AGPAT3: variants seen among roughly 807,000 people sequenced by gnomAD.
AGPAT3 encodes the protein 1-acyl-sn-glycerol-3-phosphate acyltransferase gamma.
In AGPAT3, 5 loss-of-function variants were observed where a neutral mutation model predicts 47.3. The ratio of observed to expected loss-of-function variants is 0.11; its 90% CI spans 0.06 to 0.22. The LOEUF is 0.22. Among genes scored for constraint, AGPAT3 ranks in the 10% least tolerant of loss-of-function variants. The probability of loss-of-function intolerance (pLI) is 1.00; values close to 1 mark genes in which losing one functional copy is unlikely to be tolerated. For missense variants in AGPAT3, 315 were observed against 493.0 expected, an observed-to-expected ratio of 0.64 and a Z score of 3.42; for synonymous variants, 212 against 208.3, an observed-to-expected ratio of 1.02 and a Z score of -0.15.
intron 2 of AGPAT3, among the ~76,000 whole-genome samples, chr21:43,918,203 G>GGTTGTGGGTGTTGCGGCAGTTGTGGGT (rs1569063649): frequency 7.2e-6 from 1 of 139,762 alleles, no homozygotes; most frequent in Non-Finnish European, 1.6e-5. Flanking sequence ...GGGTTGTGGA[G>GGTTGTGGGTGTTGCGGCAGTTGTGGGT]GTTGTGGGTG....
At chr21:43,907,283 G>A (rs1906328805) in intron 2 of AGPAT3, among the ~76,000 whole-genome samples, 1 of 152,076 alleles carries the variant, frequency 6.6e-6, no homozygotes, top group Non-Finnish European at 1.5e-5. Context: ...GCCGGCCTCG[G>A]CCTCCCAAAG....
chr21:43,971,291 G>T lies in AGPAT3; in HGVS notation c.665-97G>T. 1.9e-6 allele frequency: 2 copies of T among 1,048,208 alleles called. 1 individual carries two copies. The highest frequency in any genetic ancestry group is 4.1e-4 in the Middle Eastern group (2 of 4,830). 64.9% of individuals were successfully genotyped at this position (1,048,208 alleles called of 1,614,324 possible). ...CAGACCCCTCACGCGTTCTCCCCAG[G>T]ACGGGGCCGGGTCCCAGGTGGAACT... On this transcript the variant is annotated intron_variant, in intron 6 of 9. Transcript: ENST00000291572.
chr21:43,890,469 G>A (rs1341959519), intron 1 of AGPAT3, among the ~76,000 whole-genome samples: 5 of 152,026 alleles, frequency 3.3e-5, no homozygotes, highest in Non-Finnish European at 7.4e-5. Context: ...CTGGAGTGCA[G>A]TGGTGTGATC....
chr21:43,929,039 T>C (rs2087150182), intron 2 of AGPAT3, among the ~76,000 whole-genome samples: 1 of 152,190 alleles, frequency 6.6e-6, no homozygotes, highest in African/African-American at 2.4e-5. Flanking sequence ...AGACATACCA[T>C]ATTTTGAAAA....
Position 43,955,988 on chromosome 21 carries a change from CGG to C in AGPAT3, c.-48-3645_-48-3644del, listed in dbSNP as rs2088439896. Among the ~76,000 whole-genome samples the C allele has an allele frequency of 1.3e-5, 2 of 152,034 alleles. No homozygotes were observed. The highest frequency in any genetic ancestry group is 4.1e-4 in the South Asian group (2 of 4,830). On this transcript the variant is annotated intron_variant, in intron 2 of 9. Transcript: ENST00000291572. This position sits in a 1 kb window ranked among gnomAD's most constrained non-coding sequence, Gnocchi z 4.1. ...CTGTGGAGCCCGGGCATCTGCTTCTCGGAGCATCACAGCTGATGTGCTGGCCC... is the reference window on the plus strand; with the variant it reads ...CTGTGGAGCCCGGGCATCTGCTTCTCAGCATCACAGCTGATGTGCTGGCCC...
intron 1 of AGPAT3, among the ~76,000 whole-genome samples, chr21:43,899,533 C>T (rs530202050): frequency 4.6e-5 from 7 of 152,288 alleles, no homozygotes; most frequent in East Asian, 1.9e-4. Flanking sequence ...ACCGGATCCC[C>T]GGGACGCCCT....
rs370617345 is a variant in AGPAT3, at chr21:43,959,637, G to A, written c.-45G>A. Reference sequence around the variant, plus strand: ...GTCCCTGTCCCTGTCTTTGCAGGACGGCTGTCCTCAGCGAGGGGCCGTGCA... The same window carrying A: ...GTCCCTGTCCCTGTCTTTGCAGGACAGCTGTCCTCAGCGAGGGGCCGTGCA... On this transcript the variant is annotated 5_prime_UTR_variant, in exon 3 of 10. Transcript: ENST00000291572. The A allele has an allele frequency of 7.9e-5, 127 of 1,605,774 alleles. No homozygotes were observed. The highest frequency in any genetic ancestry group is 2.9e-4 in the African/African-American group (22 of 74,994).
At chr21:43,869,008 T>C (rs2085567294) in intron 1 of AGPAT3, among the ~76,000 whole-genome samples, 1 of 152,238 alleles carries the variant, frequency 6.6e-6, no homozygotes, top group Non-Finnish European at 1.5e-5. Flanking sequence ...AATCTACATT[T>C]CTGAAACGGA....
chr21:43,872,866 A>G lies in AGPAT3; in HGVS notation c.-112+7521A>G, dbSNP rs73906661. On this transcript the variant is annotated intron_variant, in intron 1 of 9. Coordinates refer to ENST00000291572, the MANE Select transcript of AGPAT3 (RefSeq NM_020132.5). ...GTCCCACTCTGCCTCCTTGAAGCAG[A>G]GGAGGCCTGGTGTGAGAAATACAAA... 6.7e-3 allele frequency among the ~76,000 whole-genome samples: 1,025 copies of G among 152,370 alleles called. 6 individuals are homozygous for G. Among genetic ancestry groups the G allele is most frequent in the African/African-American group, 0.024 (983 of 41,588 alleles).
Position 43,981,050 on chromosome 21 carries a change from C to T in AGPAT3, c.905C>T (p.Ala302Val), listed in dbSNP as rs1357576463. The change falls in exon 9 of 10, where the codon GCC becomes GTC. Residue 302 changes from alanine (A) to valine (V), a missense_variant. Physicochemically the swap from Ala to Val is moderately conservative, Grantham distance 64. Coordinates refer to ENST00000291572, the MANE Select transcript of AGPAT3 (RefSeq NM_020132.5). This position sits in a 1 kb window ranked among gnomAD's most constrained non-coding sequence, Gnocchi z 5.3. ...TTTCCAGGGGAGCAGTTTAAGCCTGCCCGGAGGCCGTGGACCCTCCTGAAC... is the reference window on the plus strand; with the variant it reads ...TTTCCAGGGGAGCAGTTTAAGCCTGTCCGGAGGCCGTGGACCCTCCTGAAC... Reference protein sequence around the residue: ...GMFPGEQFKPARRPWTLLNFL... With the variant: ...GMFPGEQFKPVRRPWTLLNFL... The T allele has an allele frequency of 1.2e-6, 2 of 1,614,162 alleles. No homozygotes were observed. Among genetic ancestry groups the T allele is most frequent in the South Asian group, 2.2e-5 (2 of 91,074 alleles).
chr21:43,931,142 G>T (rs1396918479), intron 2 of AGPAT3, among the ~76,000 whole-genome samples: 1 of 152,130 alleles, frequency 6.6e-6, no homozygotes, highest in East Asian at 1.9e-4. Flanking sequence ...CACTGGATGA[G>T]GGGGAGTGTC....
chr21:43,907,021 TTTTC>T (rs1252878465), intron 2 of AGPAT3, among the ~76,000 whole-genome samples: 24 of 150,004 alleles, frequency 1.6e-4, no homozygotes, highest in Non-Finnish European at 3.0e-5. Context: ...GGTCTGTTTC[TTTTC>T]TTTCTTTTTT....
intron 1 of AGPAT3, among the ~76,000 whole-genome samples, chr21:43,897,659 C>A (rs374550152): frequency 7.9e-6 from 1 of 127,162 alleles, no homozygotes; most frequent in African/African-American, 4.0e-5. Flanking sequence ...ACATCCCAGA[C>A]GGGGCGGCCG....
chr21:43,923,959 T>A (rs958870419), intron 2 of AGPAT3, among the ~76,000 whole-genome samples: 2 of 152,126 alleles, frequency 1.3e-5, no homozygotes, highest in Admixed American at 6.5e-5. Context: ...TCAGGTGAGA[T>A]TGAAAGGCTT....
intron 7 of AGPAT3, among the ~76,000 whole-genome samples, chr21:43,975,894 C>G (rs1475299122): frequency 6.6e-6 from 1 of 152,000 alleles, no homozygotes; most frequent in Non-Finnish European, 1.5e-5. Context: ...TGACGGCCGT[C>G]GCAGGGAAGA....
chr21:43,949,129 T>G (rs762920665), intron 2 of AGPAT3, among the ~76,000 whole-genome samples: 12 of 152,212 alleles, frequency 7.9e-5, no homozygotes, highest in Non-Finnish European at 1.6e-4. Context: ...AATCAGTATG[T>G]CTAGTTCTGG....
intron 2 of AGPAT3, among the ~76,000 whole-genome samples, chr21:43,923,705 C>T (rs913476509): frequency 1.7e-4 from 26 of 152,186 alleles, no homozygotes; most frequent in Admixed American, 1.1e-3. Flanking sequence ...GAGGGTGTTA[C>T]GAAGGATCCG....
In AGPAT3 at chr21:43,891,714, C is replaced by G. The variant is rs552045793; in HGVS notation, c.-111-12243C>G. ...GCAATAATTCAGTCACATCTTCAGA[C>G]CCCACTAATAATTCTAGTTCTCTTG... On this transcript the variant is annotated intron_variant, in intron 1 of 9. Coordinates refer to ENST00000291572, the MANE Select transcript of AGPAT3 (RefSeq NM_020132.5). 2.2e-3 allele frequency among the ~76,000 whole-genome samples: 335 copies of G among 152,022 alleles called. 1 individual carries two copies. The highest frequency in any genetic ancestry group is 4.0e-3 in the Non-Finnish European group (270 of 67,998).
Position 43,954,975 on chromosome 21 carries a change from T to G in AGPAT3, c.-48-4659T>G. The G allele has an allele frequency of 1.8e-6, 2 of 1,104,690 alleles. No homozygotes were observed. The highest frequency in any genetic ancestry group is 3.6e-5 in the South Asian group (2 of 55,866). The allele number at this position is 1,104,690 out of a possible 1,614,324, so 68.4% of individuals were successfully genotyped here. A position where few individuals can be genotyped will look rare whatever the true frequency, so the allele number is the denominator to read the frequency against. On this transcript the variant is annotated intron_variant, in intron 2 of 9. Coordinates refer to ENST00000291572, the MANE Select transcript of AGPAT3 (RefSeq NM_020132.5). The surrounding 1 kb of genome is among the most constrained non-coding windows in gnomAD (Gnocchi z 4.0). ...GGCCGCTTTGTGACACCGAGGACGG[T>G]TGATAAAGTGGATTCTCGAGGGGAA... is the stretch of plus-strand genomic sequence containing the variant.
Sources: allele counts gnomAD v4.1 joint callset (sites outside exome capture counted in the v4.1 genomes callset), GRCh38; gene constraint gnomAD v4.1.1; non-coding constraint Gnocchi (gnomAD v3.1); transcripts MANE v1.5; gene names NCBI Gene and HGNC (gene_info 2026-07-23, HGNC 2026-07-21).